TMEM116: variants seen among roughly 807,000 people sequenced by gnomAD.
The protein encoded by TMEM116 is transmembrane protein 116.
TMEM116 carries 38 observed loss-of-function variants against 44.3 expected under a neutral mutation model. The ratio of observed to expected loss-of-function variants is 0.86; its 90% confidence interval spans 0.66 to 1.12. The LOEUF is 1.12. Ranked by LOEUF, TMEM116 falls within the 50% of genes most tolerant of loss-of-function variation. TMEM116 has a pLI of 0.00. For missense variants in TMEM116, 354 were observed against 401.7 expected (o/e 0.88, Z 1.01); for synonymous variants, 132 against 144.8 (o/e 0.91, Z 0.64).
Position 111,938,144 on chromosome 12 carries a change from TAAAGAA to T in TMEM116, c.365+11_365+16del. ...TGAGAGTCTACACCTCGCTAAGAAG[TAAAGAA>T]AAAATTTTACCTTGAGAAAACAAAG... On this transcript the variant is annotated intron_variant, in intron 6 of 10. Coordinates refer to ENST00000552374, the MANE Select transcript of TMEM116 (RefSeq NM_001193531.2). 6.3e-7 allele frequency: 1 copy of T among 1,578,564 alleles called. No individual in the cohort carries two copies. Among genetic ancestry groups the T allele is most frequent in the East Asian group, 2.3e-5 (1 of 44,100 alleles).
At chr12:111,977,769 G>A (rs2075746948) in intron 4 of TMEM116, among the ~76,000 whole-genome samples, 2 of 151,924 alleles carry the variant, frequency 1.3e-5, no homozygotes, top group African/African-American at 4.8e-5. Flanking sequence ...AGACAGGAAA[G>A]AACAACTAGG....
intron 4 of TMEM116, among the ~76,000 whole-genome samples, chr12:111,960,691 A>G (rs1376083107): frequency 6.6e-6 from 1 of 152,096 alleles, no homozygotes; most frequent in Non-Finnish European, 1.5e-5. Flanking sequence ...TTTAGAGGGA[A>G]ATTTATAGCA....
chr12:111,939,106 G>A (rs923313495), intron 5 of TMEM116, among the ~76,000 whole-genome samples: 1 of 152,086 alleles, frequency 6.6e-6, no homozygotes, highest in Admixed American at 6.5e-5. Context: ...CTGTCAGGTG[G>A]TTATCCAGTG....
At chr12:111,965,765 A>G in intron 4 of TMEM116, 1 of 387,492 alleles carries the variant, frequency 2.6e-6, no homozygotes, top group Non-Finnish European at 5.1e-6. Context: ...CTCCCCTAAA[A>G]AAAAAAATAC....
intron 4 of TMEM116, among the ~76,000 whole-genome samples, chr12:111,986,766 A>G (rs7956483): frequency 0.2 from 29,751 of 151,984 alleles, 3,129 homozygotes; most frequent in Middle Eastern, 0.27. Flanking sequence ...CCATGATCAT[A>G]TCACTGCACT....
chr12:111,945,959 C>T (rs1177620738), intron 4 of TMEM116, among the ~76,000 whole-genome samples: 1 of 152,178 alleles, frequency 6.6e-6, no homozygotes, highest in Non-Finnish European at 1.5e-5. Flanking sequence ...TTTTGCCCAA[C>T]TGTAGGCTAA....
intron 4 of TMEM116, among the ~76,000 whole-genome samples, chr12:111,957,762 C>T (rs1166389206): frequency 2.0e-5 from 3 of 152,242 alleles, no homozygotes; most frequent in Non-Finnish European, 4.4e-5. Flanking sequence ...GCCACCACCC[C>T]GTCTGGGAGG....
intron 4 of TMEM116, among the ~76,000 whole-genome samples, chr12:111,989,050 G>C (rs1360533109): frequency 6.6e-6 from 1 of 152,054 alleles, no homozygotes; most frequent in African/African-American, 2.4e-5. Flanking sequence ...GTGTTTTTAA[G>C]CCCTCTCCAG....
At chr12:111,976,390 G>C (rs2136494808) in intron 4 of TMEM116, among the ~76,000 whole-genome samples, 1 of 151,778 alleles carries the variant, frequency 6.6e-6, no homozygotes, top group East Asian at 1.9e-4. Context: ...TGAGGCAGGA[G>C]AATCGCTTGA....
At chr12:111,988,529 T>C (rs1245960456) in intron 4 of TMEM116, among the ~76,000 whole-genome samples, 1 of 142,018 alleles carries the variant, frequency 7.0e-6, no homozygotes, top group Non-Finnish European at 1.5e-5. Context: ...CCATCTCCAG[T>C]AAAATACAAA....
At chr12:112,009,529 T>C (rs1358071621) in intron 1 of TMEM116, among the ~76,000 whole-genome samples, 1 of 143,120 alleles carries the variant, frequency 7.0e-6, no homozygotes, top group Non-Finnish European at 1.5e-5. Flanking sequence ...TCAGCATGGG[T>C]TTACTTAAAA....
intron 4 of TMEM116, among the ~76,000 whole-genome samples, chr12:111,983,748 C>G (rs1352702919): frequency 1.3e-5 from 2 of 152,084 alleles, no homozygotes. Flanking sequence ...CTATCAAACA[C>G]TTAGAGAATA....
chr12:111,965,761 T>TAAAA, intron 4 of TMEM116: 1 of 331,640 alleles, frequency 3.0e-6, no homozygotes, highest in Non-Finnish European at 6.0e-6. Flanking sequence ...CCGTCTCCCC[T>TAAAA]AAAAAAAAAA....
At chr12:111,952,990 A>C (rs966026115) in intron 4 of TMEM116, among the ~76,000 whole-genome samples, 1 of 152,106 alleles carries the variant, frequency 6.6e-6, no homozygotes, top group African/African-American at 2.4e-5. Context: ...ATGGCTCAAA[A>C]CTATTATGTG....
At chr12:111,967,134 CTTATT>C (rs1463434714) in intron 4 of TMEM116, among the ~76,000 whole-genome samples, 1 of 152,080 alleles carries the variant, frequency 6.6e-6, no homozygotes, top group Non-Finnish European at 1.5e-5. Flanking sequence ...GTGCAGACAT[CTTATT>C]TAACACTTTA....
At chr12:112,011,845 T>C (rs2077855047) in intron 1 of TMEM116, 1 of 152,218 alleles carries the variant, frequency 6.6e-6, no homozygotes, top group African/African-American at 2.4e-5. Flanking sequence ...ACCACAGGCA[T>C]GCACTACCAC....
intron 4 of TMEM116, among the ~76,000 whole-genome samples, chr12:111,946,402 T>A (rs1039608572): frequency 6.6e-6 from 1 of 152,254 alleles, no homozygotes; most frequent in Non-Finnish European, 1.5e-5. Flanking sequence ...GATTATAGAT[T>A]AACTAAAAGT....
At chr12:111,966,440 CA>C (rs1297812514) in intron 4 of TMEM116, among the ~76,000 whole-genome samples, 1 of 152,040 alleles carries the variant, frequency 6.6e-6, no homozygotes, top group Non-Finnish European at 1.5e-5. Flanking sequence ...GATAGGTCAA[CA>C]GTAATAGGAA....
At chr12:111,958,266 T>A in intron 4 of TMEM116, among the ~76,000 whole-genome samples, 2 of 53,480 alleles carry the variant, frequency 3.7e-5, no homozygotes, top group African/African-American at 1.5e-4. Context: ...CCACGAATGA[T>A]CAATAAATAC....
Sources: allele counts gnomAD v4.1 joint callset (sites outside exome capture counted in the v4.1 genomes callset), GRCh38; gene constraint gnomAD v4.1.1; transcripts MANE v1.5; gene names NCBI Gene and HGNC (gene_info 2026-07-23, HGNC 2026-07-21).